Variants in AGGF1 observed in about 807,000 individuals in gnomAD.
AGGF1 encodes angiogenic factor with G-patch and FHA domains 1, also known as angiogenic factor with G patch and FHA domains 1.
A neutral mutation model predicts 86.5 loss-of-function variants in AGGF1; 56 were observed. That is an observed-to-expected ratio of 0.65 (90% CI 0.52 to 0.81). AGGF1 has a LOEUF of 0.81. Among genes scored for constraint, AGGF1 ranks in the 30% least tolerant of loss-of-function variants. The pLI is 0.00. For synonymous variants in AGGF1, 313 were observed against 297.1 expected (o/e 1.05, Z -0.55); for missense variants, 816 against 850.9 (o/e 0.96, Z 0.51).
In AGGF1 at chr5:77,042,577, G is replaced by T. The variant is rs1307534637; in HGVS notation, c.870+2858G>T. Among the ~76,000 whole-genome samples, 2 of 65,346 alleles carry T rather than the reference G, an allele frequency of 3.1e-5. 1 individual carries two copies. The highest frequency in any genetic ancestry group is 7.2e-5 in the Non-Finnish European group (2 of 27,896). 42.9% of individuals were successfully genotyped at this position (65,346 alleles called of 152,430 possible). A position where few individuals can be genotyped will look rare whatever the true frequency, so the allele number is the denominator to read the frequency against. ...CCCGGACGGGGCGGCTGGCCGGGCG[G>T]GGGGGCTGACCCCCCCCCACCTCCC... On this transcript the variant is annotated intron_variant, in intron 5 of 13. Coordinates refer to ENST00000312916, the MANE Select transcript of AGGF1 (RefSeq NM_018046.5).
chr5:77,039,758 A>T (rs546557433), intron 5 of AGGF1, 39 bp downstream of exon 5: 1 of 1,566,800 alleles, frequency 6.4e-7, no homozygotes, highest in African/African-American at 1.4e-5. Flanking sequence ...CATAATGGTG[A>T]TAACATGATA....
chr5:77,046,321 C>T (rs1463142105), intron 5 of AGGF1, 26 bp from the exon 6 acceptor site: 1 of 1,574,820 alleles, frequency 6.3e-7, no homozygotes, highest in African/African-American at 1.3e-5. Context: ...TCCCCTGTTC[C>T]CTCGTATCTA....
Position 77,030,759 on chromosome 5 carries a change from C to G in AGGF1, c.-8C>G. On this transcript the variant is annotated 5_prime_UTR_variant, in exon 1 of 14. Coordinates refer to ENST00000312916, the MANE Select transcript of AGGF1 (RefSeq NM_018046.5). ...TCCGCGGCGACGAGCAGTCTCGCGC[C>G]GGAGCTCATGGCCTCGGAGGCGCCG... is the stretch of plus-strand genomic sequence containing the variant. 1.3e-6 allele frequency: 2 copies of G among 1,564,516 alleles called. No individual in the cohort carries two copies. The highest frequency in any genetic ancestry group is 1.7e-6 in the Non-Finnish European group (2 of 1,161,798).
Position 77,055,507 on chromosome 5 carries a change from CT to C in AGGF1, c.1634-4del, listed in dbSNP as rs1747442561. 1.9e-6 allele frequency: 3 copies of C among 1,581,082 alleles called. No individual in the cohort carries two copies. The highest frequency in any genetic ancestry group is 2.6e-6 in the Non-Finnish European group (3 of 1,153,952). On this transcript the variant is annotated splice_polypyrimidine_tract_variant and splice_region_variant and intron_variant, in intron 10 of 13. Transcript: ENST00000312916. ...GCTTTTTTTTAACCAAACTTTTTTT[CT>C]TTCAGTTGGTCCAACACTAAGTAAG...
At chr5:77,057,487 A>G (rs1381115210) in intron 11 of AGGF1, among the ~76,000 whole-genome samples, 2 of 152,242 alleles carry the variant, frequency 1.3e-5, no homozygotes, top group African/African-American at 4.8e-5. Flanking sequence ...GTGAAGCCAG[A>G]TAAAACACGT....
intron 4 of AGGF1, among the ~76,000 whole-genome samples, chr5:77,039,327 C>G (rs1198498063): frequency 5.3e-5 from 8 of 152,096 alleles, no homozygotes; most frequent in Non-Finnish European, 1.0e-4. Flanking sequence ...TTGTTTCTCA[C>G]ACTAGGAAAA....
At position 77,048,208 on chromosome 5, in the gene AGGF1, T is replaced by A; in HGVS notation, c.1249T>A (p.Ser417Thr). 1 of 1,613,882 alleles carries A rather than the reference T, an allele frequency of 6.2e-7. No individual in the cohort carries two copies. The highest frequency in any genetic ancestry group is 8.5e-7 in the Non-Finnish European group (1 of 1,179,856). ...PPCIRVIVIR[S>T]PVLQIGSLFI... The stretch of plus-strand genomic sequence containing the variant: ...ATGTATTAGAGTAATTGTCATTAGA[T>A]CACCTGTGTTGCAGATAGGATCACT... Residue 417 changes from serine (S) to threonine (T), a missense_variant, in exon 7 of 14, where the codon TCA (serine) becomes ACA (threonine). Around this residue, in one of 3 missense-constraint regions of AGGF1, gnomAD observed 565 missense variants for 585.8 expected, o/e 0.96. Coordinates refer to ENST00000312916, the MANE Select transcript of AGGF1 (RefSeq NM_018046.5).
chr5:77,062,553 C>A (rs1339702192), intron 13 of AGGF1, among the ~76,000 whole-genome samples: 2 of 152,046 alleles, frequency 1.3e-5, no homozygotes, highest in Non-Finnish European at 2.9e-5. Context: ...AAGATAAAGC[C>A]CCTAAGCATT....
Position 77,034,286 on chromosome 5 carries a change from A to G in AGGF1, c.211-132A>G, listed in dbSNP as rs562160285. 9 of 665,684 alleles carry G rather than the reference A, an allele frequency of 1.4e-5. No homozygotes were observed. The East Asian group carries it at 2.5e-4, about 18-fold the overall frequency. 41.2% of individuals were successfully genotyped at this position (665,684 alleles called of 1,614,324 possible). A position where few individuals can be genotyped will look rare whatever the true frequency, so the allele number is the denominator to read the frequency against. On this transcript the variant is annotated intron_variant, in intron 1 of 13. Transcript: ENST00000312916. ...ATGTATAAAGTAAAATAATAATTTT[A>G]GCTTTTCTGAAAGGGAAACTTGCTG... is the stretch of plus-strand genomic sequence containing the variant.
At chr5:77,051,056 T>C (rs1242084727) in intron 8 of AGGF1, among the ~76,000 whole-genome samples, 1 of 152,182 alleles carries the variant, frequency 6.6e-6, no homozygotes, top group Non-Finnish European at 1.5e-5. Context: ...AGACTTATTC[T>C]AAACAATCCA....
At chr5:77,031,009 C>T (rs1050381424) in intron 1 of AGGF1, 33 bp downstream of exon 1, 1 of 1,609,306 alleles carries the variant, frequency 6.2e-7, no homozygotes, top group Non-Finnish European at 8.5e-7. Flanking sequence ...GCGCCCCATC[C>T]AGCCCAGGCG....
At chr5:77,054,250 A>T (rs1747424290) in intron 10 of AGGF1, 120 bp downstream of exon 10, 4 of 1,201,638 alleles carry the variant, frequency 3.3e-6, no homozygotes, top group Non-Finnish European at 4.9e-6. Context: ...GCATTGAGAG[A>T]TATTTTATAC....
At chr5:77,061,614 G>T in intron 12 of AGGF1, 89 bp from the exon 13 acceptor site, 3 of 1,334,740 alleles carry the variant, frequency 2.2e-6, no homozygotes, top group Non-Finnish European at 1.1e-6. Flanking sequence ...TAAAGTAGTT[G>T]TACCAATTAC....
intron 5 of AGGF1, among the ~76,000 whole-genome samples, chr5:77,044,962 G>A (rs1580129536): frequency 6.6e-6 from 1 of 152,074 alleles, no homozygotes; most frequent in African/African-American, 2.4e-5. Flanking sequence ...CTACTCGGGA[G>A]GCTGAGGCAG....
At chr5:77,044,882 G>T (rs937697530) in intron 5 of AGGF1, among the ~76,000 whole-genome samples, 5 of 152,122 alleles carry the variant, frequency 3.3e-5, no homozygotes, top group African/African-American at 9.7e-5. Context: ...GGCCAACATG[G>T]TGAAACCCCA....
At chr5:77,035,495 A>G (rs773702375) in intron 2 of AGGF1, 46 bp from the exon 3 acceptor site, 1 of 1,434,358 alleles carries the variant, frequency 7.0e-7, no homozygotes, top group African/African-American at 1.4e-5. Context: ...CTTTTTATAT[A>G]CATTATTCTA....
intron 5 of AGGF1, among the ~76,000 whole-genome samples, chr5:77,041,105 G>A (rs1747069381): frequency 1.8e-5 from 2 of 112,140 alleles, no homozygotes. Flanking sequence ...GATTCTGTTA[G>A]ATTTTTTCTG....
Position 77,063,161 on chromosome 5 carries a change from C to T in AGGF1, c.2054C>T (p.Ala685Val), listed in dbSNP as rs1340052421. Residue 685 changes from alanine to valine, a missense_variant, in exon 14 of 14, where the codon GCA (alanine) becomes GTA (valine). Physicochemically the swap from Ala to Val is moderately conservative, Grantham distance 64. Around this residue, in one of 3 missense-constraint regions of AGGF1, gnomAD observed 565 missense variants for 585.8 expected, o/e 0.96. Transcript: ENST00000312916. Reference sequence around the variant, plus strand: ...AAGAACAAAAAAAACTGGGACAAAGCACGAGAGCGGTTTACTGAAAACTTC... The same window carrying T: ...AAGAACAAAAAAAACTGGGACAAAGTACGAGAGCGGTTTACTGAAAACTTC... Reference protein sequence around the residue: ...QNKNKKNWDKARERFTENFPE... With the variant: ...QNKNKKNWDKVRERFTENFPE... 1 of 1,613,988 alleles carries T rather than the reference C, an allele frequency of 6.2e-7. No homozygotes were observed. The highest frequency in any genetic ancestry group is 1.7e-5 in the Admixed American group (1 of 59,990).
Position 77,030,996 on chromosome 5 carries a change from C to A in AGGF1, c.210+20C>A, listed in dbSNP as rs774772836. ...ACGCAGGTGCGCGGTCCTCCTCAGC[C>A]CCGCGCCCCATCCAGCCCAGGCGAG... On this transcript the variant is annotated intron_variant, in intron 1 of 13. Coordinates refer to ENST00000312916, the MANE Select transcript of AGGF1 (RefSeq NM_018046.5). 6.2e-7 allele frequency: 1 copy of A among 1,610,474 alleles called. No individual in the cohort carries two copies. The highest frequency in any genetic ancestry group is 1.3e-5 in the African/African-American group (1 of 74,934).
Sources: gnomAD v4.1 joint callset for allele counts (sites outside exome capture counted in the v4.1 genomes callset) on GRCh38, gnomAD v4.1.1 for gene constraint, gnomAD v4.1.1 regional missense constraint, MANE v1.5 for transcripts, NCBI Gene and HGNC (gene_info 2026-07-23, HGNC 2026-07-21) for gene names.